The following SNTG1 variants were observed in gnomAD, a reference collection of about 807,000 sequenced individuals.
The protein encoded by SNTG1 is gamma-1-syntrophin.
A neutral mutation model predicts 74.7 loss-of-function variants in SNTG1; 39 were observed. That is an observed-to-expected ratio of 0.52 (90% confidence interval 0.40 to 0.68). SNTG1 has a LOEUF of 0.68. Ranked by LOEUF, SNTG1 falls within the 30% of genes least tolerant of loss-of-function variation. The pLI is 0.00. For missense variants in SNTG1, 685 were observed against 609.5 expected, an observed-to-expected ratio of 1.12 and a Z score of -1.30; for synonymous variants, 254 against 217.1, an observed-to-expected ratio of 1.17 and a Z score of -1.49.
intron 15 of SNTG1, among the ~76,000 whole-genome samples, chr8:50,680,194 TGCAGATA>T (rs1347157877): frequency 6.6e-6 from 1 of 152,214 alleles, no homozygotes; most frequent in Non-Finnish European, 1.5e-5. Context: ...AGTCATGCAG[TGCAGATA>T]GCTTCTTCAA....
intron 11 of SNTG1, among the ~76,000 whole-genome samples, chr8:50,551,286 A>C (rs1424201880): frequency 1.3e-5 from 2 of 152,152 alleles, no homozygotes; most frequent in African/African-American, 4.8e-5. Flanking sequence ...GTTGAAACAG[A>C]ATGTAAAAAG....
intron 1 of SNTG1, among the ~76,000 whole-genome samples, chr8:49,954,742 G>A (rs371653923): frequency 6.6e-6 from 1 of 151,760 alleles, no homozygotes; most frequent in Admixed American, 6.6e-5. Context: ...CAATGTTAAT[G>A]TTTCCTATTT....
At chr8:50,102,805 A>C (rs1197920149) in intron 1 of SNTG1, among the ~76,000 whole-genome samples, 1 of 150,372 alleles carries the variant, frequency 6.7e-6, no homozygotes, top group Non-Finnish European at 1.5e-5. Context: ...AGCCCCATTT[A>C]TTAAATAGGG....
At chr8:50,554,186 G>A (rs2094442633) in intron 12 of SNTG1, among the ~76,000 whole-genome samples, 1 of 152,124 alleles carries the variant, frequency 6.6e-6, no homozygotes, top group African/African-American at 2.4e-5. Context: ...GCCAATAAAG[G>A]CAACTGTCTA....
chr8:49,958,366 G>T (rs1227573939), intron 1 of SNTG1, among the ~76,000 whole-genome samples: 2 of 152,144 alleles, frequency 1.3e-5, no homozygotes, highest in Non-Finnish European at 2.9e-5. Context: ...ACAGCTAACA[G>T]GGGGCAGTGT....
At chr8:50,171,180 G>A (rs949301460) in intron 1 of SNTG1, among the ~76,000 whole-genome samples, 5 of 152,060 alleles carry the variant, frequency 3.3e-5, no homozygotes, top group Admixed American at 6.5e-5. Context: ...GTATTAGTCA[G>A]GGTTCTCTAG....
chr8:50,227,445 C>T (rs1028435943), intron 2 of SNTG1, among the ~76,000 whole-genome samples: 5 of 152,104 alleles, frequency 3.3e-5, no homozygotes, highest in African/African-American at 1.2e-4. Flanking sequence ...AAGACCACTA[C>T]AGTTTTGTAT....
chr8:50,464,367 T>C (rs1345066028), intron 8 of SNTG1, among the ~76,000 whole-genome samples: 1 of 152,170 alleles, frequency 6.6e-6, no homozygotes, highest in Non-Finnish European at 1.5e-5. Context: ...AGTTCTAAGT[T>C]TTGATTTAAA....
chr8:50,489,904 T>C (rs1439589951), intron 8 of SNTG1, among the ~76,000 whole-genome samples: 1 of 152,196 alleles, frequency 6.6e-6, no homozygotes, highest in Admixed American at 6.5e-5. Context: ...TGGTTTTAGG[T>C]CTTATGTTTA....
At chr8:50,316,207 T>C (rs2090313572) in intron 2 of SNTG1, among the ~76,000 whole-genome samples, 2 of 152,138 alleles carry the variant, frequency 1.3e-5, no homozygotes, top group South Asian at 4.1e-4. Flanking sequence ...TTTCCTAGCT[T>C]ACAGAATTTG....
At chr8:50,567,193 A>G (rs2094520960) in intron 12 of SNTG1, among the ~76,000 whole-genome samples, 1 of 152,086 alleles carries the variant, frequency 6.6e-6, no homozygotes. Flanking sequence ...ATACATCTGT[A>G]CTGCAGTTTC....
At position 50,462,279 on chromosome 8, in the gene SNTG1, A is replaced by T. The variant is rs548619962; in HGVS notation, c.363+11550A>T. On this transcript the variant is annotated intron_variant, in intron 8 of 18. Transcript: ENST00000642720. ...TAAAATATACTATAGTCTATTATGCATGCAATAGGATTATTTCTTAAAAAT... is the reference window on the plus strand; with the variant it reads ...TAAAATATACTATAGTCTATTATGCTTGCAATAGGATTATTTCTTAAAAAT... Among the ~76,000 whole-genome samples the T allele has an allele frequency of 3.3e-4, 50 of 150,762 alleles. 7 individuals are homozygous for T. In the South Asian group the frequency reaches 0.011, roughly 33 times the overall value.
chr8:50,251,975 T>C (rs888426846), intron 2 of SNTG1, among the ~76,000 whole-genome samples: 15 of 152,070 alleles, frequency 9.9e-5, no homozygotes, highest in African/African-American at 3.4e-4. Flanking sequence ...AAAACAAGTC[T>C]AAACAGATTT....
chr8:50,518,588 T>G (rs2094153341), intron 9 of SNTG1, among the ~76,000 whole-genome samples: 1 of 151,576 alleles, frequency 6.6e-6, no homozygotes, highest in African/African-American at 2.4e-5. Flanking sequence ...GAGAGAAGAA[T>G]CAAATAGACA....
chr8:50,622,481 T>C (rs1289252566), intron 13 of SNTG1, among the ~76,000 whole-genome samples: 1 of 152,174 alleles, frequency 6.6e-6, no homozygotes, highest in Non-Finnish European at 1.5e-5. Context: ...ATGATATGTA[T>C]TTTGTCCTTG....
intron 1 of SNTG1, among the ~76,000 whole-genome samples, chr8:50,106,409 T>G (rs1295172379): frequency 6.6e-6 from 1 of 152,084 alleles, no homozygotes; most frequent in African/African-American, 2.4e-5. Context: ...ACATGAGATT[T>G]GGGTGGGGAC....
At chr8:49,934,846 G>A (rs537678010) in intron 1 of SNTG1, among the ~76,000 whole-genome samples, 2 of 151,908 alleles carry the variant, frequency 1.3e-5, no homozygotes, top group Admixed American at 6.6e-5. Context: ...CAGCAAAATA[G>A]CTCAAATGGG....
At chr8:50,431,339 T>G (rs1483808292) in intron 4 of SNTG1, among the ~76,000 whole-genome samples, 1 of 152,194 alleles carries the variant, frequency 6.6e-6, no homozygotes, top group Non-Finnish European at 1.5e-5. Context: ...TGGGAGGCTA[T>G]GCATGCAGAA....
chr8:50,393,393 G>A (rs1440827907), intron 2 of SNTG1, among the ~76,000 whole-genome samples: 1 of 152,092 alleles, frequency 6.6e-6, no homozygotes, highest in Non-Finnish European at 1.5e-5. Flanking sequence ...ATTTTGAGGA[G>A]TACAAAGTCT....
Sources: allele counts gnomAD v4.1 joint callset (sites outside exome capture counted in the v4.1 genomes callset), GRCh38; gene constraint gnomAD v4.1.1; transcripts MANE v1.5; gene names NCBI Gene and HGNC (gene_info 2026-07-23, HGNC 2026-07-21).